The following PLIN2 variants were observed in gnomAD, a reference collection of about 807,000 sequenced individuals.
PLIN2 encodes the protein perilipin-2.
Under a neutral mutation model 30.6 loss-of-function variants are expected in PLIN2, and 33 were observed. The ratio of observed to expected loss-of-function variants is 1.08; its 90% CI spans 0.82 to 1.44. The LOEUF is 1.44. Among genes scored for constraint, PLIN2 ranks in the 40% most tolerant of loss-of-function variants. The probability of loss-of-function intolerance (pLI) is 0.00; values close to 1 mark genes in which losing one functional copy is unlikely to be tolerated. For missense variants in PLIN2, 610 were observed against 531.8 expected (o/e 1.15, Z -1.45); for synonymous variants, 205 against 201.1 (o/e 1.02, Z -0.16).
At chr9:19,126,360 G>A (rs1282046149) in intron 2 of PLIN2, 37 bp downstream of exon 2, 2 of 1,613,540 alleles carry the variant, frequency 1.2e-6, no homozygotes, top group African/African-American at 2.7e-5. Context: ...AAACACAAAA[G>A]GAGAGAAAGT....
chr9:19,126,763 C>T (rs887715404), intron 1 of PLIN2, among the ~76,000 whole-genome samples: 4 of 152,162 alleles, frequency 2.6e-5, no homozygotes, highest in Non-Finnish European at 4.4e-5. Context: ...CTAGCCAAGC[C>T]GGACGCGGTG....
intron 7 of PLIN2, among the ~76,000 whole-genome samples, chr9:19,117,882 G>A (rs1410787284): frequency 6.6e-6 from 1 of 152,156 alleles, no homozygotes; most frequent in Non-Finnish European, 1.5e-5. Flanking sequence ...CTCCCAAAGT[G>A]TTGGGATTAC....
downstream of PLIN2, among the ~76,000 whole-genome samples, chr9:19,111,813 C>T (rs1818162832): frequency 1.3e-5 from 2 of 151,958 alleles, no homozygotes; most frequent in African/African-American, 2.4e-5. Flanking sequence ...TTTTTTTCCG[C>T]AGCCTTGAAC....
intron 4 of PLIN2, among the ~76,000 whole-genome samples, chr9:19,122,869 T>C (rs1246936412): frequency 1.3e-5 from 2 of 152,202 alleles, no homozygotes; most frequent in Non-Finnish European, 1.5e-5. Context: ...CTGTCTTCCA[T>C]GGAACCAGTT....
Position 19,116,465 on chromosome 9 carries a change from ACTT to A in PLIN2, c.1094_1096del (p.Glu365del). 6.2e-7 allele frequency: 1 copy of A among 1,614,162 alleles called. No homozygotes were observed. The highest frequency in any genetic ancestry group is 8.5e-7 in the Non-Finnish European group (1 of 1,180,016). ...GCTAGAAGTGAGGAGGCTGTCAGAC[ACTT>A]CTTTAAAGGAGGCAGCATTGCGGAA... On this transcript the variant is annotated inframe_deletion, in exon 8 of 8. Transcript: ENST00000276914.
chr9:19,126,325 G>T lies in PLIN2; in HGVS notation c.31-16C>A. The T allele has an allele frequency of 6.2e-7, 1 of 1,613,536 alleles. No individual in the cohort carries two copies. Reference sequence around the variant, plus strand: ...TCACCACACTCTGCAATCAAAGTAGGGAGGGTATGCTTATTAATCTCTCAA... The same window carrying T: ...TCACCACACTCTGCAATCAAAGTAGTGAGGGTATGCTTATTAATCTCTCAA... On this transcript the variant is annotated splice_polypyrimidine_tract_variant and intron_variant, in intron 2 of 7. Transcript: ENST00000276914.
At chr9:19,111,857 C>T, downstream of PLIN2, among the ~76,000 whole-genome samples, 1 of 152,094 alleles carries the variant, frequency 6.6e-6, no homozygotes, top group East Asian at 1.9e-4. Flanking sequence ...GTCCCAGCCA[C>T]CTGAGAAACT....
Position 19,119,725 on chromosome 9 carries a change from C to T in PLIN2, c.702G>A (p.Gln234=), listed in dbSNP as rs1210312314. Residue 234 remains glutamine, a synonymous_variant, in exon 6 of 8, where the codon CAG becomes CAA. Transcript: ENST00000276914. ...STKLHSRAYQ[Q]ALSRVKEAKQ... ...TAGCTTCTTTAACCCTGCTGAGAGC[C>T]TGCTGGTAGGCACGGGAGTGAAGCT... 1.9e-6 allele frequency: 3 copies of T among 1,612,744 alleles called. No individual in the cohort carries two copies. The highest frequency in any genetic ancestry group is 2.5e-6 in the Non-Finnish European group (3 of 1,179,076).
chr9:19,120,406 T>A (rs890342642), intron 5 of PLIN2, among the ~76,000 whole-genome samples: 1 of 152,170 alleles, frequency 6.6e-6, no homozygotes, highest in Admixed American at 6.6e-5. Context: ...TAATGATGAT[T>A]CTTTGTAAGG....
At position 19,126,118 on chromosome 9, in the gene PLIN2, C is replaced by A. The variant is rs766995758; in HGVS notation, c.222G>T (p.Pro74=). 14 of 1,612,642 alleles carry A rather than the reference C, an allele frequency of 8.7e-6. No individual in the cohort carries two copies. The highest frequency in any genetic ancestry group is 2.2e-5 in the East Asian group (1 of 44,842). ...TCTTGAAAAATCAGAACTCACTTTG[C>A]GGCTCTAGCTTCTGGATGATGGGCA... ...SALPIIQKLE[P]QIAVANTYAC... Residue 74 remains proline, a synonymous_variant, in exon 3 of 8, where the codon CCG becomes CCT. Coordinates refer to ENST00000276914, the MANE Select transcript of PLIN2 (RefSeq NM_001122.4).
At chr9:19,119,181 G>T (rs527529409) in intron 6 of PLIN2, among the ~76,000 whole-genome samples, 1 of 152,304 alleles carries the variant, frequency 6.6e-6, no homozygotes, top group South Asian at 2.1e-4. Flanking sequence ...CTACACAGTA[G>T]TCTATTGTGA....
chr9:19,114,085 TTA>T (rs1372529580), downstream of PLIN2, among the ~76,000 whole-genome samples: 2 of 152,096 alleles, frequency 1.3e-5, no homozygotes, highest in Admixed American at 6.6e-5. Context: ...GGCCTAATTT[TTA>T]TGTTTTTAGT....
chr9:19,126,718 T>A (rs923276089), intron 1 of PLIN2, among the ~76,000 whole-genome samples: 1 of 152,104 alleles, frequency 6.6e-6, no homozygotes, highest in Non-Finnish European at 1.5e-5. Flanking sequence ...TTGACATACT[T>A]CTCTTGTTTC....
chr9:19,118,037 C>T (rs1818257509), intron 7 of PLIN2, among the ~76,000 whole-genome samples: 1 of 152,214 alleles, frequency 6.6e-6, no homozygotes, highest in Admixed American at 6.6e-5. Context: ...GACAGCATGG[C>T]TGGCTGTATC....
At chr9:19,110,469 G>A (rs7042382) in intron 2 of PLIN2, among the ~76,000 whole-genome samples, 1 of 149,566 alleles carries the variant, frequency 6.7e-6, no homozygotes, top group Admixed American at 6.6e-5. Context: ...ATTGGATTTC[G>A]TTTTGTTTTG....
In PLIN2 at chr9:19,119,510, C is replaced by T; in HGVS notation, c.777+140G>A. The T allele has an allele frequency of 1.0e-5, 6 of 579,418 alleles. No individual in the cohort carries two copies. The South Asian group carries it at 1.7e-4, about 17-fold the overall frequency. 35.9% of individuals were successfully genotyped at this position (579,418 alleles called of 1,614,324 possible). A position where few individuals can be genotyped will look rare whatever the true frequency, so the allele number is the denominator to read the frequency against. On this transcript the variant is annotated intron_variant, in intron 6 of 7. Transcript: ENST00000276914. ...TATACTTCCTTTTTCTGTGAGCTGT[C>T]TCCATATTCTTTGTCCAGTTTTCTA... is the stretch of plus-strand genomic sequence containing the variant.
At chr9:19,114,534 G>C (rs1818195827), downstream of PLIN2, among the ~76,000 whole-genome samples, 1 of 151,964 alleles carries the variant, frequency 6.6e-6, no homozygotes, top group Non-Finnish European at 1.5e-5. Flanking sequence ...CCTCCAAGTA[G>C]CTGGGATTAT....
rs72558396 is a variant in PLIN2, at chr9:19,124,814, T to C, written c.227-1167A>G. Among the ~76,000 whole-genome samples the C allele has an allele frequency of 9.9e-5, 15 of 152,246 alleles. No individual in the cohort carries two copies. In the East Asian group the frequency reaches 1.9e-3, roughly 20 times the overall value. On this transcript the variant is annotated intron_variant, in intron 3 of 7. Transcript: ENST00000276914. ...AAGCATTATACATAATCTCCAAAAG[T>C]AGAACGAACCCAAACATCCATCAGT... is the stretch of plus-strand genomic sequence containing the variant.
intron 2 of PLIN2, among the ~76,000 whole-genome samples, chr9:19,109,253 G>T (rs548177626): frequency 3.3e-5 from 5 of 152,214 alleles, no homozygotes; most frequent in Admixed American, 3.3e-4. Context: ...GCAAACAACA[G>T]ATTAAAACAA....
Sources: allele counts gnomAD v4.1 joint callset (sites outside exome capture counted in the v4.1 genomes callset), GRCh38; gene constraint gnomAD v4.1.1; transcripts MANE v1.5; gene names NCBI Gene and HGNC (gene_info 2026-07-23, HGNC 2026-07-21).